GTF2B: variants seen among roughly 807,000 people sequenced by gnomAD.
GTF2B encodes the protein transcription initiation factor IIB.
In GTF2B, 20 loss-of-function variants were observed where a neutral mutation model predicts 34.6. The observed-to-expected ratio is 0.58, with a 90% CI of 0.41 to 0.84. The LOEUF (loss-of-function observed/expected upper bound fraction) is 0.84. GTF2B is among the 40% of genes least tolerant of loss of function. The pLI is 0.00. For missense variants in GTF2B, 237 were observed against 393.3 expected (o/e 0.60, Z 3.36); for synonymous variants, 142 against 132.4 (o/e 1.07, Z -0.50).
At chr1:88,887,738 G>T in intron 1 of GTF2B, 1 of 232,338 alleles carries the variant, frequency 4.3e-6, no homozygotes, top group Non-Finnish European at 8.5e-6. Flanking sequence ...TGTGCTCTTT[G>T]CCACTTATTT....
At chr1:88,872,665 T>C (rs1313212160) in intron 2 of GTF2B, among the ~76,000 whole-genome samples, 1 of 152,138 alleles carries the variant, frequency 6.6e-6, no homozygotes, top group Non-Finnish European at 1.5e-5. Context: ...AGTACCACAA[T>C]GGGTACCTTG....
intron 2 of GTF2B, among the ~76,000 whole-genome samples, chr1:88,877,301 G>A (rs1013870512): frequency 7.2e-5 from 11 of 152,038 alleles, no homozygotes; most frequent in African/African-American, 2.7e-4. Context: ...TTTTCCTTAC[G>A]TTGCTTTTAC....
At chr1:88,879,583 TA>T (rs11437047) in intron 2 of GTF2B, among the ~76,000 whole-genome samples, 6,896 of 136,364 alleles carry the variant, frequency 0.051, 209 homozygotes, top group East Asian at 0.13. Flanking sequence ...GATTCCATCT[TA>T]AAAAAAAAAA....
At chr1:88,862,037 A>T (rs1673451023) in intron 3 of GTF2B, among the ~76,000 whole-genome samples, 1 of 152,210 alleles carries the variant, frequency 6.6e-6, no homozygotes, top group Non-Finnish European at 1.5e-5. Context: ...AAATTTTTTT[A>T]AAAAATGAAA....
chr1:88,879,295 G>C (rs1478908709), intron 2 of GTF2B, among the ~76,000 whole-genome samples: 1 of 152,024 alleles, frequency 6.6e-6, no homozygotes, highest in Non-Finnish European at 1.5e-5. Flanking sequence ...AAAGGTGATA[G>C]TGGCCAGGTA....
intron 6 of GTF2B, among the ~76,000 whole-genome samples, chr1:88,855,978 G>A (rs1033535770): frequency 6.6e-6 from 1 of 152,096 alleles, no homozygotes. Context: ...ACTTTAAAAG[G>A]GAGTTAGTGG....
chr1:88,891,403 A>G (rs1674204140), intron 1 of GTF2B, 80 bp downstream of exon 1: 1 of 1,109,530 alleles, frequency 9.0e-7, no homozygotes, highest in East Asian at 2.5e-5. Flanking sequence ...CAGCCCTACG[A>G]GGCTGCCCGG....
intron 3 of GTF2B, 136 bp from the exon 4 acceptor site, chr1:88,860,422 C>G: frequency 1.6e-6 from 1 of 616,128 alleles, no homozygotes; most frequent in Admixed American, 3.1e-5. Context: ...CTCATCTATA[C>G]TAAATGAACA....
Position 88,887,004 on chromosome 1 carries a change from C to T in GTF2B, c.124+257G>A, listed in dbSNP as rs559687355. 5.3e-5 allele frequency among the ~76,000 whole-genome samples: 8 copies of T among 151,964 alleles called. No homozygotes were observed. The East Asian group carries it at 1.2e-3, about 22-fold the overall frequency. ...CACGATCTCGGCTCACTGCAACCTCCGCCTCCTGGGTTCAAGCCATTCTCC... is the reference window on the plus strand; with the variant it reads ...CACGATCTCGGCTCACTGCAACCTCTGCCTCCTGGGTTCAAGCCATTCTCC... On this transcript the variant is annotated intron_variant, in intron 2 of 6. Coordinates refer to ENST00000370500, the MANE Select transcript of GTF2B (RefSeq NM_001514.6).
chr1:88,891,510 ACTGCGG>A lies in GTF2B; in HGVS notation c.-17_-12del, dbSNP rs1022746854. On this transcript the variant is annotated 5_prime_UTR_variant, in exon 1 of 7. Coordinates refer to ENST00000370500, the MANE Select transcript of GTF2B (RefSeq NM_001514.6). Reference sequence around the variant, plus strand: ...GCTGGTAGACGCCATCTTCACGGCGACTGCGGTGCCCGCAACAAGACACAACAGACA... The same window carrying A: ...GCTGGTAGACGCCATCTTCACGGCGATGCCCGCAACAAGACACAACAGACA... The A allele has an allele frequency of 3.7e-6, 6 of 1,602,130 alleles. No homozygotes were observed. In the African/African-American group the frequency reaches 8.0e-5, roughly 21 times the overall value.
At chr1:88,866,534 G>A (rs537410093) in intron 2 of GTF2B, among the ~76,000 whole-genome samples, 1 of 152,116 alleles carries the variant, frequency 6.6e-6, no homozygotes, top group African/African-American at 2.4e-5. Context: ...TTAGCCTCCT[G>A]AGCAGCTACA....
intron 3 of GTF2B, 58 bp downstream of exon 3, chr1:88,863,923 A>G (rs1673494904): frequency 6.5e-7 from 1 of 1,540,898 alleles, no homozygotes; most frequent in Non-Finnish European, 9.0e-7. Flanking sequence ...AAAGTTCCCA[A>G]ACTCTCAGGT....
intron 6 of GTF2B, among the ~76,000 whole-genome samples, chr1:88,855,643 G>A (rs972275401): frequency 1.3e-5 from 2 of 151,324 alleles, no homozygotes; most frequent in African/African-American, 2.4e-5. Context: ...GTGAGCCACC[G>A]CGACCTGCCA....
At chr1:88,854,382 A>T (rs778524101) in intron 6 of GTF2B, among the ~76,000 whole-genome samples, 5 of 152,206 alleles carry the variant, frequency 3.3e-5, no homozygotes, top group Non-Finnish European at 4.4e-5. Context: ...ATCCACTTTT[A>T]CCCTTTAAAG....
chr1:88,859,813 G>A (rs1360011633), intron 5 of GTF2B, 69 bp downstream of exon 5: 2 of 1,440,856 alleles, frequency 1.4e-6, no homozygotes, highest in Non-Finnish European at 1.9e-6. Context: ...TCTGGCCTGG[G>A]CGACAAAGTG....
At chr1:88,855,451 C>T (rs114085462) in intron 6 of GTF2B, among the ~76,000 whole-genome samples, 7 of 148,182 alleles carry the variant, frequency 4.7e-5, no homozygotes, top group African/African-American at 1.7e-4. Flanking sequence ...CTCCCAAGTT[C>T]AAGAGATTCT....
intron 2 of GTF2B, among the ~76,000 whole-genome samples, chr1:88,881,317 GT>G (rs1319530519): frequency 1.3e-5 from 2 of 152,066 alleles, no homozygotes; most frequent in Non-Finnish European, 2.9e-5. Flanking sequence ...TACCATCTAG[GT>G]TTTATTAAGT....
rs1416982030 is a variant in GTF2B at position 88,886,484 on chromosome 1, A to G, written c.124+777T>C. On this transcript the variant is annotated intron_variant, in intron 2 of 6. Coordinates refer to ENST00000370500, the MANE Select transcript of GTF2B (RefSeq NM_001514.6). ...ATTTTTGGCAATAATTTTATACAAG[A>G]TATTCATCAATAGATGACTGTATAA... is the stretch of plus-strand genomic sequence containing the variant. Among the ~76,000 whole-genome samples the G allele has an allele frequency of 2.6e-5, 4 of 152,234 alleles. No homozygotes were observed. In the East Asian group the frequency reaches 7.7e-4, roughly 29 times the overall value.
chr1:88,860,315 A>G, intron 3 of GTF2B, 29 bp from the exon 4 acceptor site: 2 of 1,569,398 alleles, frequency 1.3e-6, no homozygotes, highest in Non-Finnish European at 1.7e-6. Context: ...ACTATGAAAA[A>G]ATTTTTTGGA....
Sources: allele counts gnomAD v4.1 joint callset (sites outside exome capture counted in the v4.1 genomes callset), GRCh38; gene constraint gnomAD v4.1.1; transcripts MANE v1.5; gene names NCBI Gene and HGNC (gene_info 2026-07-23, HGNC 2026-07-21).